The following MDGA2 variants were observed in gnomAD, a reference collection of about 807,000 sequenced individuals.
The protein encoded by MDGA2 is MAM domain containing glycosylphosphatidylinositol anchor 2.
MDGA2 carries 40 observed loss-of-function variants against 117.8 expected under a neutral mutation model. The observed-to-expected ratio is 0.34, with a 90% confidence interval of 0.26 to 0.44. The LOEUF is 0.44. Ranked by LOEUF, MDGA2 falls within the 20% of genes least tolerant of loss-of-function variation. The pLI is 1.00. For missense variants in MDGA2, 1,123 were observed against 1,250.6 expected (o/e 0.90, Z 1.54); for synonymous variants, 452 against 439.0 (o/e 1.03, Z -0.37).
intron 6 of MDGA2, among the ~76,000 whole-genome samples, chr14:47,066,334 T>C (rs753771344): frequency 6.6e-6 from 1 of 152,228 alleles, no homozygotes; most frequent in African/African-American, 2.4e-5. Flanking sequence ...GCCAATTGTT[T>C]CCATTCAGTA....
At chr14:47,526,885 A>G (rs974020676) in intron 1 of MDGA2, among the ~76,000 whole-genome samples, 3 of 152,154 alleles carry the variant, frequency 2.0e-5, no homozygotes, top group African/African-American at 7.2e-5. Flanking sequence ...TGTTGAGATC[A>G]CCATGGTGCA....
At chr14:47,632,265 C>G (rs1336867952) in intron 1 of MDGA2, among the ~76,000 whole-genome samples, 1 of 152,196 alleles carries the variant, frequency 6.6e-6, no homozygotes, top group Non-Finnish European at 1.5e-5. Context: ...AATTCACTCC[C>G]ATCCCAGAAA....
At chr14:47,585,257 T>C (rs1348418472) in intron 1 of MDGA2, among the ~76,000 whole-genome samples, 1 of 151,812 alleles carries the variant, frequency 6.6e-6, no homozygotes, top group Non-Finnish European at 1.5e-5. Context: ...GATGGCTGCC[T>C]TTTCCCCAAC....
intron 2 of MDGA2, among the ~76,000 whole-genome samples, chr14:47,272,185 T>C (rs1888167413): frequency 6.6e-6 from 1 of 151,880 alleles, no homozygotes; most frequent in Non-Finnish European, 1.5e-5. Context: ...GTTAATTTCG[T>C]TGAGACCTAA....
intron 5 of MDGA2, among the ~76,000 whole-genome samples, chr14:47,109,852 A>G (rs1291522077): frequency 2.0e-5 from 3 of 152,164 alleles, no homozygotes; most frequent in Non-Finnish European, 4.4e-5. Flanking sequence ...AGGCTGAGGC[A>G]AGATAATTGT....
chr14:47,085,511 G>C (rs1217553082), intron 6 of MDGA2, among the ~76,000 whole-genome samples: 1 of 152,002 alleles, frequency 6.6e-6, no homozygotes, highest in Non-Finnish European at 1.5e-5. Context: ...CTTCATTCTT[G>C]CTCATGACAG....
At chr14:47,094,791 A>AGAGC (rs2138966102) in intron 6 of MDGA2, among the ~76,000 whole-genome samples, 1 of 101,408 alleles carries the variant, frequency 9.9e-6, no homozygotes, top group Non-Finnish European at 2.2e-5. Flanking sequence ...AAGTATTTTT[A>AGAGC]AAGCAAACAA....
At chr14:47,456,515 C>T (rs1893357996) in intron 1 of MDGA2, among the ~76,000 whole-genome samples, 1 of 150,908 alleles carries the variant, frequency 6.6e-6, no homozygotes. Flanking sequence ...GCTGGTCAGG[C>T]TGGTATCGAA....
chr14:46,950,843 A>G (rs1885346519), intron 9 of MDGA2, among the ~76,000 whole-genome samples: 1 of 151,698 alleles, frequency 6.6e-6, no homozygotes. Context: ...AGACTAAAAT[A>G]TATTTTCTAT....
chr14:47,073,798 G>A (rs1380822536), intron 6 of MDGA2, among the ~76,000 whole-genome samples: 1 of 152,172 alleles, frequency 6.6e-6, no homozygotes, highest in Non-Finnish European at 1.5e-5. Flanking sequence ...AATTCGTACT[G>A]TGCCAACTTT....
chr14:47,200,847 T>G, intron 3 of MDGA2: 1 of 831,266 alleles, frequency 1.2e-6, no homozygotes, highest in Non-Finnish European at 2.1e-6. Flanking sequence ...CATTTTTTCT[T>G]GTCATAGGGC....
At chr14:47,381,129 A>G (rs1891614375) in intron 1 of MDGA2, among the ~76,000 whole-genome samples, 1 of 152,250 alleles carries the variant, frequency 6.6e-6, no homozygotes, top group South Asian at 2.1e-4. Context: ...ATCTCAATAG[A>G]TGCAGAAAAG....
chr14:47,443,321 C>T (rs12434028), intron 1 of MDGA2, among the ~76,000 whole-genome samples: 2,348 of 152,166 alleles, frequency 0.015, 182 homozygotes, highest in Admixed American at 0.13. Context: ...CACGAACAGA[C>T]ATGTGTTCCA....
At position 47,377,354 on chromosome 14, in the gene MDGA2, G is replaced by A. The variant is rs138666965; in HGVS notation, c.281-75804C>T. 6.8e-3 allele frequency among the ~76,000 whole-genome samples: 1,037 copies of A among 152,192 alleles called. 6 individuals are homozygous for A. Among genetic ancestry groups the A allele is most frequent in the Non-Finnish European group, 0.011 (760 of 68,002 alleles). Reference sequence around the variant, plus strand: ...CTAACTGAGGTACCGGGTTCATCTCGCTGGGTCTTGTCAGACAGTGGGTGC... The same window carrying A: ...CTAACTGAGGTACCGGGTTCATCTCACTGGGTCTTGTCAGACAGTGGGTGC... On this transcript the variant is annotated intron_variant, in intron 1 of 16. Coordinates refer to ENST00000399232, the MANE Select transcript of MDGA2 (RefSeq NM_001113498.3).
intron 1 of MDGA2, among the ~76,000 whole-genome samples, chr14:47,383,422 A>G (rs535651779): frequency 9.8e-5 from 15 of 152,318 alleles, no homozygotes; most frequent in African/African-American, 3.1e-4. Context: ...AGGTCCATGT[A>G]TTAAATCACT....
At chr14:47,016,358 A>G (rs867800029) in intron 8 of MDGA2, among the ~76,000 whole-genome samples, 1 of 151,018 alleles carries the variant, frequency 6.6e-6, no homozygotes, top group Non-Finnish European at 1.5e-5. Context: ...ATAATGTAGT[A>G]TCAGTTATTA....
At chr14:47,202,205 T>C (rs1391330163) in intron 3 of MDGA2, among the ~76,000 whole-genome samples, 1 of 152,144 alleles carries the variant, frequency 6.6e-6, no homozygotes, top group Non-Finnish European at 1.5e-5. Flanking sequence ...TGGGGGCAAA[T>C]AGCAAGTACT....
chr14:47,274,126 T>G (rs1404559911), intron 2 of MDGA2, among the ~76,000 whole-genome samples: 2 of 152,076 alleles, frequency 1.3e-5, no homozygotes, highest in African/African-American at 4.8e-5. Context: ...GTTTAATATA[T>G]TCACGTGGTT....
At chr14:46,937,980 A>T (rs1412124062) in intron 9 of MDGA2, among the ~76,000 whole-genome samples, 1 of 152,196 alleles carries the variant, frequency 6.6e-6, no homozygotes, top group Admixed American at 6.5e-5. Context: ...AAGCTTGTGA[A>T]CATCAAAAGA....
Sources: gnomAD v4.1 joint callset for allele counts (sites outside exome capture counted in the v4.1 genomes callset) on GRCh38, gnomAD v4.1.1 for gene constraint, MANE v1.5 for transcripts, NCBI Gene and HGNC (gene_info 2026-07-23, HGNC 2026-07-21) for gene names.